Variants in ANO3 observed in about 807,000 individuals in gnomAD.
ANO3 encodes the protein anoctamin 3.
ANO3 carries 99 observed loss-of-function variants against 144.8 expected under a neutral mutation model. That is an observed-to-expected ratio of 0.68 (90% CI 0.58 to 0.81). The LOEUF is 0.81. ANO3 is among the 30% of genes least tolerant of loss of function. ANO3 has a pLI of 0.00. For missense variants in ANO3, 905 were observed against 1,202.2 expected, an observed-to-expected ratio of 0.75 and a Z score of 3.66; for synonymous variants, 414 against 392.6, an observed-to-expected ratio of 1.05 and a Z score of -0.64.
intron 1 of ANO3, among the ~76,000 whole-genome samples, chr11:26,436,199 C>T (rs557198734): frequency 6.6e-6 from 1 of 152,276 alleles, no homozygotes; most frequent in Admixed American, 6.5e-5. Context: ...GGGACCAGAC[C>T]AGCCACTGTT....
intron 14 of ANO3, among the ~76,000 whole-genome samples, chr11:26,587,980 CAA>C (rs1467144436): frequency 4.0e-5 from 6 of 148,620 alleles, no homozygotes; most frequent in Non-Finnish European, 8.9e-5. Flanking sequence ...GTTCGGAAAG[CAA>C]AGAGGGTTTT....
At chr11:26,399,801 A>G (rs1290682982) in intron 1 of ANO3, among the ~76,000 whole-genome samples, 3 of 151,442 alleles carry the variant, frequency 2.0e-5, no homozygotes, top group Non-Finnish European at 2.9e-5. Context: ...TATTCCTCTT[A>G]CCACGCTAGA....
chr11:26,534,375 A>G (rs2134190302), intron 8 of ANO3, 81 bp from the exon 9 acceptor site: 2 of 879,756 alleles, frequency 2.3e-6, no homozygotes, highest in Non-Finnish European at 3.6e-6. Context: ...CTTCATATGC[A>G]TTAGCTTTAA....
chr11:26,190,220 A>G (rs1851449475), intron 1 of ANO3, among the ~76,000 whole-genome samples: 1 of 152,162 alleles, frequency 6.6e-6, no homozygotes, highest in Non-Finnish European at 1.5e-5. Flanking sequence ...GAAATAATAA[A>G]TTCCATTACA....
At chr11:26,370,663 G>A (rs1399951798) in intron 1 of ANO3, among the ~76,000 whole-genome samples, 2 of 152,170 alleles carry the variant, frequency 1.3e-5, no homozygotes, top group African/African-American at 2.4e-5. Flanking sequence ...CTTTTTGAAT[G>A]GCTTTGGCCA....
chr11:26,457,970 A>G (rs1859232328), intron 3 of ANO3, among the ~76,000 whole-genome samples: 1 of 152,130 alleles, frequency 6.6e-6, no homozygotes, highest in Admixed American at 6.6e-5. Context: ...AGGAAGCATC[A>G]TCAAATTAAT....
chr11:26,598,963 C>T lies in ANO3; in HGVS notation c.1636C>T (p.Arg546Cys). Residue 546 changes from arginine (R) to cysteine (C), a missense_variant, in exon 16 of 27, where the codon CGT becomes TGT. By Grantham distance (180) the Arg-to-Cys change is radical (BLOSUM62 -3). Coordinates refer to ENST00000256737, the MANE Select transcript of ANO3 (RefSeq NM_031418.4). ...PHQPSSDKVTRLLVSVSGIFF... is the reference protein window; with the variant it reads ...PHQPSSDKVTCLLVSVSGIFF... Reference sequence around the variant, plus strand: ...TCAGCCTTCCTCAGACAAAGTCACTCGTCTTCTTGTTTCTGTCTCAGGAAT... The same window carrying T: ...TCAGCCTTCCTCAGACAAAGTCACTTGTCTTCTTGTTTCTGTCTCAGGAAT... 6.2e-7 allele frequency: 1 copy of T among 1,613,924 alleles called. No homozygotes were observed.
At chr11:26,573,488 T>C (rs1254876818) in intron 14 of ANO3, among the ~76,000 whole-genome samples, 23 of 152,194 alleles carry the variant, frequency 1.5e-4, no homozygotes. Flanking sequence ...TAAATATATT[T>C]TCTGTTTGTA....
chr11:26,297,997 T>C (rs1295384055), intron 1 of ANO3, among the ~76,000 whole-genome samples: 1 of 152,194 alleles, frequency 6.6e-6, no homozygotes, highest in Non-Finnish European at 1.5e-5. Flanking sequence ...ATGAGGAGCA[T>C]AGAAACTAGT....
chr11:26,598,806 G>GT (rs373545459), intron 15 of ANO3, 52 bp from the exon 16 acceptor site: 14 of 1,573,702 alleles, frequency 8.9e-6, no homozygotes, highest in South Asian at 2.3e-5. Flanking sequence ...TTGGGGGTAT[G>GT]TTTTTTTAGT....
At chr11:26,597,703 A>G (rs978124552) in intron 14 of ANO3, among the ~76,000 whole-genome samples, 12 of 152,208 alleles carry the variant, frequency 7.9e-5, no homozygotes, top group Non-Finnish European at 1.6e-4. Context: ...TAAAACATAT[A>G]TGTGAGTTCT....
At chr11:26,521,149 A>G (rs1473242049) in intron 6 of ANO3, among the ~76,000 whole-genome samples, 1 of 152,174 alleles carries the variant, frequency 6.6e-6, no homozygotes, top group Non-Finnish European at 1.5e-5. Flanking sequence ...CTAAGTGGCA[A>G]ATTATTTTCG....
intron 1 of ANO3, among the ~76,000 whole-genome samples, chr11:26,324,966 G>A (rs527740301): frequency 6.6e-6 from 1 of 152,146 alleles, no homozygotes; most frequent in South Asian, 2.1e-4. Context: ...AAAGGAAAAG[G>A]ATGAGCTCAA....
chr11:26,487,684 A>G (rs149977873), intron 4 of ANO3, among the ~76,000 whole-genome samples: 1,537 of 152,238 alleles, frequency 0.01, 24 homozygotes, highest in Non-Finnish European at 0.012. Context: ...TCAGATGGAG[A>G]TGAGGAGTTT....
At chr11:26,268,535 AC>A (rs1322508545) in intron 1 of ANO3, among the ~76,000 whole-genome samples, 49 of 152,180 alleles carry the variant, frequency 3.2e-4, no homozygotes, top group Admixed American at 3.2e-3. Context: ...TTGAAAAAAA[AC>A]AAAAGTATCT....
intron 1 of ANO3, among the ~76,000 whole-genome samples, chr11:26,282,660 A>G (rs1853706538): frequency 6.6e-6 from 1 of 152,168 alleles, no homozygotes. Flanking sequence ...AAAGAAAACA[A>G]AAACAAGACT....
intron 21 of ANO3, among the ~76,000 whole-genome samples, chr11:26,639,861 C>A (rs963670020): frequency 1.3e-5 from 2 of 152,066 alleles, no homozygotes; most frequent in African/African-American, 4.8e-5. Flanking sequence ...TAAAATATGG[C>A]AAAATACTGG....
intron 4 of ANO3, among the ~76,000 whole-genome samples, chr11:26,476,817 A>G (rs1029319604): frequency 6.6e-6 from 1 of 151,986 alleles, no homozygotes; most frequent in African/African-American, 2.4e-5. Context: ...GAAAAATCAC[A>G]CTGGAATTGA....
At chr11:26,408,500 A>G (rs1857347561) in intron 1 of ANO3, among the ~76,000 whole-genome samples, 1 of 149,150 alleles carries the variant, frequency 6.7e-6, no homozygotes, top group Admixed American at 6.7e-5. Context: ...GATGTGGAGA[A>G]ATAGGAACAC....
Sources: gnomAD v4.1 joint callset for allele counts (sites outside exome capture counted in the v4.1 genomes callset) on GRCh38, gnomAD v4.1.1 for gene constraint, MANE v1.5 for transcripts, NCBI Gene and HGNC (gene_info 2026-07-23, HGNC 2026-07-21) for gene names.